ZNF197: variants seen among roughly 807,000 people sequenced by gnomAD.
ZNF197 encodes the protein zinc finger protein 197, also known as VHL-associated KRAB-A domain-containing protein.
A neutral mutation model predicts 27.4 loss-of-function variants in ZNF197; 14 were observed. The ratio of observed to expected loss-of-function variants is 0.51; its 90% confidence interval spans 0.34 to 0.80. The LOEUF (loss-of-function observed/expected upper bound fraction) is 0.80, where lower values mean the gene tolerates loss of function less well. Among genes scored for constraint, ZNF197 ranks in the 30% least tolerant of loss-of-function variants. ZNF197 has a pLI of 0.02. For synonymous variants in ZNF197, 415 were observed against 420.0 expected, an observed-to-expected ratio of 0.99 and a Z score of 0.15; for missense variants, 1,090 against 1,222.6, an observed-to-expected ratio of 0.89 and a Z score of 1.62.
At chr3:44,638,345 A>G (rs941545308) in intron 5 of ZNF197, among the ~76,000 whole-genome samples, 1 of 152,012 alleles carries the variant, frequency 6.6e-6, no homozygotes, top group Non-Finnish European at 1.5e-5. Context: ...GGGCTCAAGC[A>G]GTCCTCAGCC....
Position 44,629,085 on chromosome 3 carries a change from C to T in ZNF197, c.-70C>T, listed in dbSNP as rs943198459. On this transcript the variant is annotated 5_prime_UTR_variant, in exon 2 of 6. Coordinates refer to ENST00000344387, the MANE Select transcript of ZNF197 (RefSeq NM_006991.5). ...TTGAGGTCTTGTAGATGATACTCTC[C>T]AAGCTGTAAGGAAGAAGTCAAGGAT... The T allele has an allele frequency of 1.1e-4, 173 of 1,528,358 alleles. No homozygotes were observed. The highest frequency in any genetic ancestry group is 1.4e-4 in the Non-Finnish European group (164 of 1,144,914). The allele number at this position is 1,528,358 out of a possible 1,614,324, so 94.7% of individuals were successfully genotyped here.
rs199836820 is a variant in ZNF197 at position 44,643,098 on chromosome 3, G to A, written c.1968G>A (p.Gly656=). The change falls in exon 6 of 6, where the codon GGG becomes GGA. Residue 656 remains glycine, a synonymous_variant. Coordinates refer to ENST00000344387, the MANE Select transcript of ZNF197 (RefSeq NM_006991.5). ...AGCCCTATGAATGTAATGAATGTGG[G>A]AAAGTTTTTATTCTGAAGAAGAGCC... ...GEKPYECNEC[G]KVFILKKSLI... The A allele has an allele frequency of 1.2e-6, 2 of 1,613,748 alleles. No homozygotes were observed. The highest frequency in any genetic ancestry group is 1.7e-6 in the Non-Finnish European group (2 of 1,179,938).
rs1655434823 is a variant in ZNF197, at chr3:44,642,808, C to T, written c.1678C>T (p.His560Tyr). The T allele has an allele frequency of 6.2e-7, 1 of 1,613,796 alleles. No homozygotes were observed. Reference protein sequence around the residue: ...TTYLIDHQRLHSAENPYKCKE... With the variant: ...TTYLIDHQRLYSAENPYKCKE... ...TTATCTTATTGACCATCAGCGACTCCACAGTGCAGAGAACCCTTACAAGTG... is the reference window on the plus strand; with the variant it reads ...TTATCTTATTGACCATCAGCGACTCTACAGTGCAGAGAACCCTTACAAGTG... Residue 560 changes from histidine to tyrosine, a missense_variant, in exon 6 of 6, where the codon CAC (histidine) becomes TAC (tyrosine). Coordinates refer to ENST00000344387, the MANE Select transcript of ZNF197 (RefSeq NM_006991.5).
rs765449807 is a variant in ZNF197 at position 44,643,026 on chromosome 3, T to C, written c.1896T>C (p.Thr632=). ...YKCTECGKAF[T]QSAYLFDHQR... ...GCACTGAATGTGGGAAAGCCTTTAC[T>C]CAAAGTGCTTACCTTTTTGACCACC... Residue 632 remains threonine, a synonymous_variant, in exon 6 of 6, where the codon ACT becomes ACC. Coordinates refer to ENST00000344387, the MANE Select transcript of ZNF197 (RefSeq NM_006991.5). The C allele has an allele frequency of 1.2e-6, 2 of 1,614,100 alleles. No homozygotes were observed. The highest frequency in any genetic ancestry group is 1.7e-6 in the Non-Finnish European group (2 of 1,180,022).
intron 5 of ZNF197, 137 bp downstream of exon 5, chr3:44,632,736 T>A: frequency 9.7e-7 from 1 of 1,029,588 alleles, no homozygotes; most frequent in Non-Finnish European, 1.3e-6. Flanking sequence ...TTAACATCGC[T>A]ATTTCCAGAT....
chr3:44,644,470 C>A lies in ZNF197; in HGVS notation c.*250C>A. On this transcript the variant is annotated 3_prime_UTR_variant, in exon 6 of 6. Coordinates refer to ENST00000344387, the MANE Select transcript of ZNF197 (RefSeq NM_006991.5). ...CCTGACCAACATGGTGAAACCCCAT[C>A]TCTACTAAAATACAAAAATTATCCG... is the stretch of plus-strand genomic sequence containing the variant. The A allele has an allele frequency of 1.1e-6, 1 of 938,550 alleles. No homozygotes were observed. The highest frequency in any genetic ancestry group is 3.2e-5 in the South Asian group (1 of 31,408). 58.1% of individuals were successfully genotyped at this position (938,550 alleles called of 1,614,324 possible). A position where few individuals can be genotyped will look rare whatever the true frequency, so the allele number is the denominator to read the frequency against.
rs922200907 is a variant in ZNF197 at position 44,630,728 on chromosome 3, C to T, written c.391-334C>T. Reference sequence around the variant, plus strand: ...TAAGTAGAAGAGATGTGACTGAAGTCCGATCTAAAACTTAAGTCTGAAGCT... The same window carrying T: ...TAAGTAGAAGAGATGTGACTGAAGTTCGATCTAAAACTTAAGTCTGAAGCT... On this transcript the variant is annotated intron_variant, in intron 2 of 5. Coordinates refer to ENST00000344387, the MANE Select transcript of ZNF197 (RefSeq NM_006991.5). The T allele has an allele frequency of 7.1e-6, 3 of 423,882 alleles. No individual in the cohort carries two copies. The East Asian group carries it at 1.9e-4, about 27-fold the overall frequency. 26.3% of individuals were successfully genotyped at this position (423,882 alleles called of 1,614,324 possible).
rs1234826977 is a variant in ZNF197, at chr3:44,642,464, A to G, written c.1334A>G (p.Gln445Arg). 6.2e-7 allele frequency: 1 copy of G among 1,613,996 alleles called. No individual in the cohort carries two copies. The highest frequency in any genetic ancestry group is 2.2e-5 in the East Asian group (1 of 44,862). ...FSQSAYLLNHQRIHTGEKPYK... is the reference protein window; with the variant it reads ...FSQSAYLLNHRRIHTGEKPYK... ...CAAAGTGCTTACCTTCTAAACCATC[A>G]GAGGATCCACACTGGGGAGAAACCT... Residue 445 changes from glutamine to arginine, a missense_variant, in exon 6 of 6, where the codon CAG (glutamine) becomes CGG (arginine). Gln to Arg is a conservative substitution (Grantham distance 43, BLOSUM62 1). Transcript: ENST00000344387.
chr3:44,641,470 C>T (rs1422042082), intron 5 of ZNF197, among the ~76,000 whole-genome samples: 1 of 152,128 alleles, frequency 6.6e-6, no homozygotes, highest in Non-Finnish European at 1.5e-5. Context: ...TTTCAGAGTC[C>T]TTACATATAT....
rs1702045794 is a variant in ZNF197 at position 44,632,087 on chromosome 3, CT to C, written c.551-13del. 1 of 1,613,210 alleles carries C rather than the reference CT, an allele frequency of 6.2e-7. No homozygotes were observed. On this transcript the variant is annotated splice_polypyrimidine_tract_variant and intron_variant, in intron 3 of 5. Coordinates refer to ENST00000344387, the MANE Select transcript of ZNF197 (RefSeq NM_006991.5). ...AAAGGTTTGTAGGTCCCATATGCAG[CT>C]TTTTCTCCCTCCTCAGATTCTCCTG...
chr3:44,644,646 A>G lies in ZNF197; in HGVS notation c.*426A>G. 1.0e-6 allele frequency: 1 copy of G among 987,494 alleles called. No homozygotes were observed. Among genetic ancestry groups the G allele is most frequent in the Non-Finnish European group, 1.2e-6 (1 of 831,414 alleles). The allele number at this position is 987,494 out of a possible 1,614,324, so 61.2% of individuals were successfully genotyped here. A position where few individuals can be genotyped will look rare whatever the true frequency, so the allele number is the denominator to read the frequency against. On this transcript the variant is annotated 3_prime_UTR_variant, in exon 6 of 6. Coordinates refer to ENST00000344387, the MANE Select transcript of ZNF197 (RefSeq NM_006991.5). ...AAGAGCGAAACTCTTGTCTGAAAAA[A>G]TAAAGTTCATCCCAACTTTCAAGTC... is the stretch of plus-strand genomic sequence containing the variant.
At position 44,640,695 on chromosome 3, in the gene ZNF197, C is replaced by T. The variant is rs1202523846; in HGVS notation, c.770-1205C>T. Among the ~76,000 whole-genome samples the T allele has an allele frequency of 6.6e-6, 1 of 152,050 alleles. No individual in the cohort carries two copies. The highest frequency in any genetic ancestry group is 1.9e-4 in the East Asian group (1 of 5,184). Reference sequence around the variant, plus strand: ...GCCCGGCCTCTCCTTATGTTTGAAACCTCACTGTGAATAAGGAAACTGAAG... The same window carrying T: ...GCCCGGCCTCTCCTTATGTTTGAAATCTCACTGTGAATAAGGAAACTGAAG... On this transcript the variant is annotated intron_variant, in intron 5 of 5. Transcript: ENST00000344387. The surrounding 1 kb of genome is among the most constrained non-coding windows in gnomAD (Gnocchi z 4.0).
chr3:44,634,665 G>T (rs1389111378), intron 5 of ZNF197, among the ~76,000 whole-genome samples: 2 of 151,896 alleles, frequency 1.3e-5, no homozygotes, highest in Non-Finnish European at 2.9e-5. Context: ...GGCCAGGCTG[G>T]TCTTAAACTC....
chr3:44,637,806 G>A lies in ZNF197; in HGVS notation c.770-4094G>A, dbSNP rs563391116. On this transcript the variant is annotated intron_variant, in intron 5 of 5. Coordinates refer to ENST00000344387, the MANE Select transcript of ZNF197 (RefSeq NM_006991.5). ...GTTTATTTCTAAAGTCTCAAATCTA[G>A]TCCTTTGATCTATATGTCTACCCTT... Among the ~76,000 whole-genome samples, 32 of 152,226 alleles carry A rather than the reference G, an allele frequency of 2.1e-4. 1 individual carries two copies. The South Asian group carries it at 2.3e-3, about 11-fold the overall frequency.
Position 44,646,092 on chromosome 3 carries a change from A to G in ZNF197, c.*1872A>G. On this transcript the variant is annotated 3_prime_UTR_variant, in exon 6 of 6. Transcript: ENST00000344387. ...TCCTCATTAGAGTGAAAGGTAGCCA[A>G]GAGTGAAAACTGGAAGGGGCCTAAG... The G allele has an allele frequency of 1.0e-5, 10 of 985,426 alleles. No individual in the cohort carries two copies. The highest frequency in any genetic ancestry group is 1.2e-5 in the Non-Finnish European group (10 of 829,928). The allele number at this position is 985,426 out of a possible 1,614,324, so 61.0% of individuals were successfully genotyped here.
Position 44,629,340 on chromosome 3 carries a change from G to A in ZNF197, c.186G>A (p.Arg62=). 6.2e-7 allele frequency: 1 copy of A among 1,614,148 alleles called. No homozygotes were observed. The highest frequency in any genetic ancestry group is 8.5e-7 in the Non-Finnish European group (1 of 1,180,030). ...ETSGPQEALS[R]LRELCRRWLR... The stretch of plus-strand genomic sequence containing the variant: ...CTGGACCCCAGGAAGCCCTGAGCCG[G>A]CTCAGGGAACTCTGTCGCCGGTGGC... Residue 62 remains arginine (R), a synonymous_variant, in exon 2 of 6, where the codon CGG becomes CGA. Coordinates refer to ENST00000344387, the MANE Select transcript of ZNF197 (RefSeq NM_006991.5).
At chr3:44,636,228 C>A (rs1048991173) in intron 5 of ZNF197, among the ~76,000 whole-genome samples, 1 of 151,344 alleles carries the variant, frequency 6.6e-6, no homozygotes, top group Non-Finnish European at 1.5e-5. Flanking sequence ...TGGCTTGAAC[C>A]CGGGAGGCAG....
At position 44,645,261 on chromosome 3, in the gene ZNF197, AAG is replaced by A. The variant is rs573434815; in HGVS notation, c.*1044_*1045del. The A allele has an allele frequency of 1.1e-4, 108 of 985,444 alleles. No individual in the cohort carries two copies. The African/African-American group carries it at 1.7e-3, about 16-fold the overall frequency. The allele number at this position is 985,444 out of a possible 1,614,324, so 61.0% of individuals were successfully genotyped here. A position where few individuals can be genotyped will look rare whatever the true frequency, so the allele number is the denominator to read the frequency against. On this transcript the variant is annotated 3_prime_UTR_variant, in exon 6 of 6. Transcript: ENST00000344387. ...TTCAGTTGTCAATAAAGTTGGATAA[AAG>A]AGGTTATGGTAAAAGTTTAGAACAT...
At position 44,645,320 on chromosome 3, in the gene ZNF197, A is replaced by G. The variant is rs765736328; in HGVS notation, c.*1100A>G. The G allele has an allele frequency of 3.1e-5, 31 of 985,308 alleles. No homozygotes were observed. Among genetic ancestry groups the G allele is most frequent in the Admixed American group, 6.1e-5 (1 of 16,270 alleles). 61.0% of individuals were successfully genotyped at this position (985,308 alleles called of 1,614,324 possible). ...ATGTAAGTTTGTGTATTAAGTCAATATTAGAATGAGGGGGATTCCAGGAAC... is the reference window on the plus strand; with the variant it reads ...ATGTAAGTTTGTGTATTAAGTCAATGTTAGAATGAGGGGGATTCCAGGAAC... On this transcript the variant is annotated 3_prime_UTR_variant, in exon 6 of 6. Coordinates refer to ENST00000344387, the MANE Select transcript of ZNF197 (RefSeq NM_006991.5).
Sources: gnomAD v4.1 joint callset for allele counts (sites outside exome capture counted in the v4.1 genomes callset) on GRCh38, gnomAD v4.1.1 for gene constraint, Gnocchi (gnomAD v3.1) non-coding constraint, MANE v1.5 for transcripts, NCBI Gene and HGNC (gene_info 2026-07-23, HGNC 2026-07-21) for gene names.